OSBPL9: variants seen among roughly 807,000 people sequenced by gnomAD.
OSBPL9 encodes the protein oxysterol binding protein like 9.
A neutral mutation model predicts 106.6 loss-of-function variants in OSBPL9; 40 were observed. That is an observed-to-expected ratio of 0.38 (90% confidence interval 0.29 to 0.49). The LOEUF (loss-of-function observed/expected upper bound fraction) is 0.49, where lower values mean the gene tolerates loss of function less well. Among genes scored for constraint, OSBPL9 ranks in the 20% least tolerant of loss-of-function variants. The pLI is 0.97. For synonymous variants in OSBPL9, 269 were observed against 295.4 expected (o/e 0.91, Z 0.92); for missense variants, 609 against 887.2 (o/e 0.69, Z 3.98).
intron 6 of OSBPL9, among the ~76,000 whole-genome samples, chr1:51,747,553 C>CTTTTTTTTTTTTTTTTTT (rs746109312): frequency 2.8e-4 from 12 of 42,384 alleles, no homozygotes; most frequent in Non-Finnish European, 5.3e-4. Context: ...CTCTCCTTGG[C>CTTTTTTTTTTTTTTTTTT]TTTTTTTTTT....
the OSBPL9 span, among the ~76,000 whole-genome samples, chr1:51,527,372 G>A: frequency 1.3e-5 from 2 of 149,218 alleles, no homozygotes; most frequent in Middle Eastern, 3.4e-3. Context: ...GATGATGATG[G>A]TGATTAAGAA....
chr1:51,562,511 T>A, the OSBPL9 span, among the ~76,000 whole-genome samples: 1 of 152,202 alleles, frequency 6.6e-6, no homozygotes, highest in Non-Finnish European at 1.5e-5. Flanking sequence ...AATGCAAGAA[T>A]GGACTAATAC....
intron 8 of OSBPL9, among the ~76,000 whole-genome samples, chr1:51,754,151 C>T (rs1483050834): frequency 6.6e-6 from 1 of 152,198 alleles, no homozygotes; most frequent in African/African-American, 2.4e-5. Flanking sequence ...CAGGTGGAGA[C>T]TTAACCAGTA....
At chr1:51,712,433 G>C (rs1336769548) in intron 3 of OSBPL9, among the ~76,000 whole-genome samples, 2 of 152,166 alleles carry the variant, frequency 1.3e-5, no homozygotes, top group East Asian at 3.8e-4. Flanking sequence ...GGGAGAGGGA[G>C]AGGGAGAGCT....
At chr1:51,636,268 C>A (rs938850138) in intron 1 of OSBPL9, among the ~76,000 whole-genome samples, 2 of 149,204 alleles carry the variant, frequency 1.3e-5, no homozygotes, top group African/African-American at 2.5e-5. Flanking sequence ...TCAAGTAATC[C>A]TTCCACCTCA....
intron 1 of OSBPL9, among the ~76,000 whole-genome samples, chr1:51,577,430 C>T (rs931827359): frequency 1.3e-5 from 2 of 151,390 alleles, no homozygotes; most frequent in Non-Finnish European, 2.9e-5. Flanking sequence ...CGTGCCACCA[C>T]GCCCGGCTAA....
At chr1:51,630,301 C>G (rs2148651300) in intron 1 of OSBPL9, among the ~76,000 whole-genome samples, 1 of 152,134 alleles carries the variant, frequency 6.6e-6, no homozygotes, top group East Asian at 1.9e-4. Flanking sequence ...CAGGGAGAAA[C>G]AAGACAAGGT....
At chr1:51,748,472 C>CAT in intron 7 of OSBPL9, 74 bp downstream of exon 7, 1 of 1,351,978 alleles carries the variant, frequency 7.4e-7, no homozygotes, top group Non-Finnish European at 9.7e-7. Flanking sequence ...TTTTAAGCTG[C>CAT]CACTATTGAT....
At chr1:51,712,270 C>T (rs1330536711) in intron 3 of OSBPL9, among the ~76,000 whole-genome samples, 28 of 152,210 alleles carry the variant, frequency 1.8e-4, no homozygotes, top group African/African-American at 6.5e-4. Context: ...GGCGTGGCGG[C>T]GCGCGCCTGC....
chr1:51,776,885 C>T lies in OSBPL9; in HGVS notation c.1223C>T (p.Ala408Val). 1 of 1,612,660 alleles carries T rather than the reference C, an allele frequency of 6.2e-7. No individual in the cohort carries two copies. Among genetic ancestry groups the T allele is most frequent in the Non-Finnish European group, 8.5e-7 (1 of 1,178,906 alleles). The change falls in exon 15 of 24, where the codon GCA becomes GTA. Residue 408 changes from alanine (A) to valine (V), a missense_variant. Ala to Val is a moderately conservative substitution (Grantham distance 64). Around this residue, in one of 5 missense-constraint regions of OSBPL9, gnomAD observed 356 missense variants for 505.8 expected, o/e 0.70. Coordinates refer to ENST00000428468, the MANE Select transcript of OSBPL9 (RefSeq NM_024586.6). ...LERRSLLEMY[A>V]DFFAHPDLFV... ...AGAAGATCTCTTTTAGAAATGTATGCAGACTTTTTTGCACATCCGGACCTG... is the reference window on the plus strand; with the variant it reads ...AGAAGATCTCTTTTAGAAATGTATGTAGACTTTTTTGCACATCCGGACCTG...
At chr1:51,723,504 T>C (rs746348095) in intron 4 of OSBPL9, among the ~76,000 whole-genome samples, 10 of 152,174 alleles carry the variant, frequency 6.6e-5, no homozygotes, top group Non-Finnish European at 1.3e-4. Context: ...CCCTCTTTTC[T>C]TCCCTGTCTT....
At chr1:51,669,964 C>A (rs1464390659) in intron 3 of OSBPL9, 1 of 357,942 alleles carries the variant, frequency 2.8e-6, no homozygotes, top group African/African-American at 2.1e-5. Flanking sequence ...AAAGGTTTTG[C>A]TCTGCTTCAA....
At chr1:51,737,756 T>G (rs932835501) in intron 4 of OSBPL9, among the ~76,000 whole-genome samples, 1 of 152,096 alleles carries the variant, frequency 6.6e-6, no homozygotes, top group African/African-American at 2.4e-5. Context: ...TCAGAACCTG[T>G]AAACTCATTT....
chr1:51,703,463 GA>G (rs1557710227), intron 3 of OSBPL9, among the ~76,000 whole-genome samples: 1 of 152,176 alleles, frequency 6.6e-6, no homozygotes, highest in African/African-American at 2.4e-5. Context: ...TGGTGTATAA[GA>G]ATGCTTGTGA....
At chr1:51,519,416 CGGA>C in the OSBPL9 span, 1 of 207,856 alleles carries the variant, frequency 4.8e-6, no homozygotes, top group Admixed American at 5.9e-5. Flanking sequence ...GCCCGCCCGC[CGGA>C]GCCGGCCGCG....
In OSBPL9 at chr1:51,663,823, A is replaced by G. The variant is rs184512673; in HGVS notation, c.163-5611A>G. Among the ~76,000 whole-genome samples, 73 of 152,346 alleles carry G rather than the reference A, an allele frequency of 4.8e-4. 3 individuals carry two copies. In the South Asian group the frequency reaches 0.012, roughly 26 times the overall value. ...AGAAAAAGATAGTCCAGTCTTGTCA[A>G]TGGAGAAGAAACTTAAACTATTTCA... On this transcript the variant is annotated intron_variant, in intron 2 of 23. Coordinates refer to ENST00000428468, the MANE Select transcript of OSBPL9 (RefSeq NM_024586.6).
intron 1 of OSBPL9, among the ~76,000 whole-genome samples, chr1:51,585,186 A>AAG (rs1478252889): frequency 6.6e-6 from 1 of 150,948 alleles, no homozygotes; most frequent in Non-Finnish European, 1.5e-5. Flanking sequence ...AAAAAAAAAA[A>AAG]AAAAGTCAGA....
At chr1:51,528,172 T>C in the OSBPL9 span, among the ~76,000 whole-genome samples, 1 of 151,560 alleles carries the variant, frequency 6.6e-6, no homozygotes, top group Admixed American at 6.6e-5. Context: ...TACTGGAGTT[T>C]CCAGCCAGAG....
In OSBPL9 at chr1:51,787,388, G is replaced by C. The variant is rs1415126989; in HGVS notation, c.2036G>C (p.Arg679Thr). ...WKDVTFNLKI[R>T]DIDAATEAKH... ...GATGTCACTTTCAACTTAAAAATCA[G>C]AGACATTGATGCAGCAACTGAAGCA... The change falls in exon 23 of 24, where the codon AGA becomes ACA. Residue 679 changes from arginine (R) to threonine (T), a missense_variant. This residue lies in a region of OSBPL9 where 132 missense variants were observed against 158.1 expected (regional missense o/e 0.83). Coordinates refer to ENST00000428468, the MANE Select transcript of OSBPL9 (RefSeq NM_024586.6). 5 of 1,613,872 alleles carry C rather than the reference G, an allele frequency of 3.1e-6. No homozygotes were observed. The highest frequency in any genetic ancestry group is 3.3e-5 in the Admixed American group (2 of 59,994).
Sources: gnomAD v4.1 joint callset for allele counts (sites outside exome capture counted in the v4.1 genomes callset) on GRCh38, gnomAD v4.1.1 for gene constraint, gnomAD v4.1.1 regional missense constraint, MANE v1.5 for transcripts, NCBI Gene and HGNC (gene_info 2026-07-23, HGNC 2026-07-21) for gene names.